The following NLN variants were observed in gnomAD, a reference collection of about 807,000 sequenced individuals.
NLN encodes the protein neurolysin, mitochondrial.
In NLN, 64 loss-of-function variants were observed where a neutral mutation model predicts 79.9. The ratio of observed to expected loss-of-function variants is 0.80; its 90% confidence interval spans 0.65 to 0.99. The LOEUF (loss-of-function observed/expected upper bound fraction) is 0.99, where lower values mean the gene tolerates loss of function less well. Ranked by LOEUF, NLN falls within the 50% of genes least tolerant of loss-of-function variation. The pLI is 0.00. For missense variants in NLN, 835 were observed against 858.7 expected (o/e 0.97, Z 0.34); for synonymous variants, 267 against 296.6 (o/e 0.90, Z 1.02).
chr5:65,786,486 A>G (rs944436550), intron 7 of NLN, among the ~76,000 whole-genome samples: 2 of 152,224 alleles, frequency 1.3e-5, no homozygotes, highest in Non-Finnish European at 2.9e-5. Flanking sequence ...TCACTCATTC[A>G]TTCATGAGAC....
Position 65,772,891 on chromosome 5 carries a change from C to T in NLN, c.451-4536C>T, listed in dbSNP as rs118080769. ...GACTACAGGCACACGCCACCAGACC[C>T]GGCTATACTCTGTTATCCTATTATA... On this transcript the variant is annotated intron_variant, in intron 3 of 12. Transcript: ENST00000380985. Among the ~76,000 whole-genome samples the T allele has an allele frequency of 3.6e-4, 54 of 151,210 alleles. No individual in the cohort carries two copies. The East Asian group carries it at 3.9e-3, about 11-fold the overall frequency.
Position 65,732,500 on chromosome 5 carries a change from C to T in NLN, c.41+10086C>T, listed in dbSNP as rs1331548697. Among the ~76,000 whole-genome samples the T allele has an allele frequency of 4.3e-4, 61 of 142,426 alleles. 3 individuals are homozygous for T. Among genetic ancestry groups the T allele is most frequent in the African/African-American group, 1.6e-3 (60 of 37,966 alleles). The allele number at this position is 142,426 out of a possible 152,430, so 93.4% of individuals were successfully genotyped here. A position where few individuals can be genotyped will look rare whatever the true frequency, so the allele number is the denominator to read the frequency against. The stretch of plus-strand genomic sequence containing the variant: ...TCCGTCCTCACAGCTTAGTAAACAC[C>T]AATGATCCTGTCTCTAATTCTCTGT... On this transcript the variant is annotated intron_variant, in intron 1 of 12. Transcript: ENST00000380985.
At chr5:65,803,815 A>T (rs1760347609) in intron 9 of NLN, among the ~76,000 whole-genome samples, 1 of 152,082 alleles carries the variant, frequency 6.6e-6, no homozygotes, top group African/African-American at 2.4e-5. Context: ...AGGGGGAAGG[A>T]CTTTTCTGCC....
chr5:65,773,506 A>G (rs1328025675), intron 3 of NLN, among the ~76,000 whole-genome samples: 2 of 152,208 alleles, frequency 1.3e-5, no homozygotes, highest in East Asian at 3.9e-4. Flanking sequence ...ACGGCATTGT[A>G]ATTTCTCCTT....
chr5:65,784,496 C>G (rs901020977), intron 6 of NLN, among the ~76,000 whole-genome samples: 2 of 152,070 alleles, frequency 1.3e-5, no homozygotes, highest in African/African-American at 4.8e-5. Context: ...CAAGGGGCAT[C>G]GGCATTCAGT....
At chr5:65,779,751 T>G (rs1180368149) in intron 4 of NLN, among the ~76,000 whole-genome samples, 2 of 152,196 alleles carry the variant, frequency 1.3e-5, no homozygotes, top group African/African-American at 4.8e-5. Flanking sequence ...AGGCTTGCCT[T>G]TCTATAAGTG....
chr5:65,822,882 G>A lies in NLN; in HGVS notation c.2082G>A (p.Ala694=), dbSNP rs774782544. ...TGAAACGTGAGCCAAACCAAAAAGC[G>A]TTCCTAATGAGTAGAGGCCTGCATG... ...NFLKREPNQK[A]FLMSRGLHAP The change falls in exon 13 of 13, where the codon GCG becomes GCA. Residue 694 remains alanine (A), a synonymous_variant. Transcript: ENST00000380985. The A allele has an allele frequency of 2.4e-5, 38 of 1,613,336 alleles. No homozygotes were observed. The highest frequency in any genetic ancestry group is 9.3e-5 in the African/African-American group (7 of 74,886).
intron 1 of NLN, among the ~76,000 whole-genome samples, chr5:65,750,121 A>G (rs570357106): frequency 6.6e-6 from 1 of 152,178 alleles, no homozygotes; most frequent in Non-Finnish European, 1.5e-5. Context: ...TGCTTGGCAT[A>G]CATGTGCTGT....
Position 65,810,165 on chromosome 5 carries a change from G to A in NLN, c.1843G>A (p.Gly615Ser), listed in dbSNP as rs1451485028. The A allele has an allele frequency of 6.2e-7, 1 of 1,613,418 alleles. No individual in the cohort carries two copies. Among genetic ancestry groups the A allele is most frequent in the Admixed American group, 1.7e-5 (1 of 60,014 alleles). ...SEILGVAATP[G>S]TNMPATFGHL... is the part of the protein sequence containing the mutation. ...AATATTAGGAGTTGCAGCTACTCCA[G>A]GTATGTAACTACTATGAATTGAGTT... The change falls in exon 11 of 13, where the codon GGC (glycine) becomes AGC (serine). Residue 615 changes from glycine to serine, a missense_variant and splice_region_variant. Coordinates refer to ENST00000380985, the MANE Select transcript of NLN (RefSeq NM_020726.5).
At chr5:65,750,195 C>T (rs1175909609) in intron 1 of NLN, among the ~76,000 whole-genome samples, 1 of 152,180 alleles carries the variant, frequency 6.6e-6, no homozygotes, top group African/African-American at 2.4e-5. Context: ...TCTGCAGTGG[C>T]GAAAACATTC....
intron 1 of NLN, among the ~76,000 whole-genome samples, chr5:65,737,602 A>G (rs1758755636): frequency 1.3e-5 from 2 of 152,192 alleles, no homozygotes; most frequent in African/African-American, 4.8e-5. Context: ...TTCAGTGTTC[A>G]CTATTGATAT....
intron 4 of NLN, among the ~76,000 whole-genome samples, chr5:65,777,952 A>C (rs578211252): frequency 2.0e-5 from 3 of 152,296 alleles, no homozygotes; most frequent in African/African-American, 7.2e-5. Flanking sequence ...ATAACTTAAA[A>C]TTGTTCTTTA....
At chr5:65,736,717 T>C (rs1758735518) in intron 1 of NLN, among the ~76,000 whole-genome samples, 1 of 152,236 alleles carries the variant, frequency 6.6e-6, no homozygotes, top group Admixed American at 6.5e-5. Context: ...TTTATGTCTT[T>C]TGCCCATTTT....
rs1351007841 is a variant in NLN at position 65,827,145 on chromosome 5, T to C, written c.*4230T>C. On this transcript the variant is annotated 3_prime_UTR_variant, in exon 13 of 13. Transcript: ENST00000380985. ...CAAACACAATAATGCTGTACGTCTGTAACAAAACAAAATTTGAAAAATTGA... is the reference window on the plus strand; with the variant it reads ...CAAACACAATAATGCTGTACGTCTGCAACAAAACAAAATTTGAAAAATTGA... 6.6e-6 allele frequency: 1 copy of C among 151,954 alleles called. No homozygotes were observed. The highest frequency in any genetic ancestry group is 1.9e-4 in the East Asian group (1 of 5,186). 9.4% of individuals were successfully genotyped at this position (151,954 alleles called of 1,614,324 possible).
intron 1 of NLN, among the ~76,000 whole-genome samples, chr5:65,723,251 A>T (rs938246762): frequency 1.3e-5 from 2 of 152,216 alleles, no homozygotes; most frequent in African/African-American, 4.8e-5. Context: ...GTAACATGTC[A>T]GCATTTAAGC....
intron 1 of NLN, among the ~76,000 whole-genome samples, chr5:65,739,045 A>ATATATATATAAAAT (rs1470154357): frequency 4.2e-5 from 4 of 95,598 alleles, no homozygotes; most frequent in African/African-American, 1.6e-4. Context: ...ATATATAAAA[A>ATATATATATAAAAT]ATATATATAA....
At chr5:65,751,973 C>T (rs765238531) in intron 1 of NLN, among the ~76,000 whole-genome samples, 59 of 152,096 alleles carry the variant, frequency 3.9e-4, no homozygotes, top group Non-Finnish European at 7.4e-4. Flanking sequence ...GGTGCAGTGG[C>T]GTATGCTTGT....
chr5:65,765,493 G>T (rs1390164169), intron 3 of NLN, among the ~76,000 whole-genome samples: 11 of 151,984 alleles, frequency 7.2e-5, no homozygotes. Context: ...GCTCCAGCCT[G>T]GGCAACAAGA....
chr5:65,752,146 G>A (rs1352218305), intron 1 of NLN, among the ~76,000 whole-genome samples: 2 of 152,000 alleles, frequency 1.3e-5, no homozygotes, highest in Admixed American at 6.6e-5. Flanking sequence ...GTTCAGGTAA[G>A]AGGATCACCT....
Sources: gnomAD v4.1 joint callset for allele counts (sites outside exome capture counted in the v4.1 genomes callset) on GRCh38, gnomAD v4.1.1 for gene constraint, MANE v1.5 for transcripts, NCBI Gene and HGNC (gene_info 2026-07-23, HGNC 2026-07-21) for gene names.